Variants in TBC1D4 observed in about 807,000 individuals in gnomAD.
TBC1D4 encodes the protein TBC1 domain family member 4, also known as TBC (Tre-2, BUB2, CDC16) domain-containing protein.
In TBC1D4, 121 loss-of-function variants were observed where a neutral mutation model predicts 142.5. The ratio of observed to expected loss-of-function variants is 0.85; its 90% CI spans 0.73 to 0.99. The LOEUF (loss-of-function observed/expected upper bound fraction) is 0.99. Ranked by LOEUF, TBC1D4 falls within the 50% of genes least tolerant of loss-of-function variation. TBC1D4 has a pLI of 0.00. For synonymous variants in TBC1D4, 630 were observed against 628.2 expected (o/e 1.00, Z -0.04); for missense variants, 1,475 against 1,606.6 (o/e 0.92, Z 1.40).
At chr13:75,370,476 G>T (rs1883164714) in intron 1 of TBC1D4, among the ~76,000 whole-genome samples, 1 of 152,332 alleles carries the variant, frequency 6.6e-6, no homozygotes, top group South Asian at 2.1e-4. Context: ...AGCTCACACA[G>T]AAGCGACAGC....
At chr13:75,450,118 G>A (rs991757527) in intron 1 of TBC1D4, among the ~76,000 whole-genome samples, 1 of 152,134 alleles carries the variant, frequency 6.6e-6, no homozygotes, top group Non-Finnish European at 1.5e-5. Context: ...TGGCAGAAAA[G>A]ACTAAAACCT....
chr13:75,409,856 A>C (rs1885532612), intron 1 of TBC1D4, among the ~76,000 whole-genome samples: 2 of 152,304 alleles, frequency 1.3e-5, no homozygotes, highest in South Asian at 2.1e-4. Flanking sequence ...GGATGTTAAG[A>C]TACTAGTGTT....
At chr13:75,315,059 C>A (rs1878161025) in intron 12 of TBC1D4, among the ~76,000 whole-genome samples, 1 of 151,736 alleles carries the variant, frequency 6.6e-6, no homozygotes, top group Non-Finnish European at 1.5e-5. Context: ...GTAATTCCAG[C>A]AGTTTGGGAG....
At chr13:75,356,794 T>G (rs1882090022) in intron 3 of TBC1D4, among the ~76,000 whole-genome samples, 2 of 152,154 alleles carry the variant, frequency 1.3e-5, no homozygotes, top group South Asian at 4.1e-4. Flanking sequence ...CAGGTGCCAA[T>G]TATCCACAGT....
At chr13:75,312,458 A>AGAAAGAGGACG in intron 13 of TBC1D4, among the ~76,000 whole-genome samples, 1 of 148,502 alleles carries the variant, frequency 6.7e-6, no homozygotes, top group African/African-American at 2.6e-5. Context: ...GAAAAAGGAC[A>AGAAAGAGGACG]TACAGCTTCT....
chr13:75,336,228 C>A (rs775665908), intron 8 of TBC1D4, among the ~76,000 whole-genome samples: 16 of 151,440 alleles, frequency 1.1e-4, no homozygotes, highest in Non-Finnish European at 1.8e-4. Context: ...GAAACCCTGT[C>A]TCTACCAAAA....
chr13:75,316,677 T>A (rs1335903871), intron 12 of TBC1D4: 1 of 152,208 alleles, frequency 6.6e-6, no homozygotes. Context: ...GTCAGCAATC[T>A]GACATTCTTA....
chr13:75,343,078 T>C (rs2138085107), intron 5 of TBC1D4, among the ~76,000 whole-genome samples: 1 of 152,370 alleles, frequency 6.6e-6, no homozygotes, highest in Non-Finnish European at 1.5e-5. Flanking sequence ...TTTAAAATAA[T>C]GTATTAGTCT....
At chr13:75,399,900 G>A (rs1884996253) in intron 1 of TBC1D4, among the ~76,000 whole-genome samples, 1 of 152,110 alleles carries the variant, frequency 6.6e-6, no homozygotes, top group Non-Finnish European at 1.5e-5. Flanking sequence ...CAGACTACCA[G>A]GAGACTGACA....
At chr13:75,399,158 C>T (rs1385521136) in intron 1 of TBC1D4, among the ~76,000 whole-genome samples, 1 of 152,070 alleles carries the variant, frequency 6.6e-6, no homozygotes, top group Non-Finnish European at 1.5e-5. Flanking sequence ...GAAATAAGAT[C>T]TCCCAAAATA....
intron 1 of TBC1D4, among the ~76,000 whole-genome samples, chr13:75,472,552 A>G (rs1159169227): frequency 6.6e-6 from 1 of 152,214 alleles, no homozygotes; most frequent in Non-Finnish European, 1.5e-5. Flanking sequence ...TCTGTACAAA[A>G]TAAAATCTGT....
intron 1 of TBC1D4, among the ~76,000 whole-genome samples, chr13:75,384,168 C>T (rs1038652094): frequency 6.6e-6 from 1 of 152,102 alleles, no homozygotes; most frequent in African/African-American, 2.4e-5. Context: ...CACGCCTGTG[C>T]TGGGATTACA....
At chr13:75,411,216 G>A (rs1435009517) in intron 1 of TBC1D4, among the ~76,000 whole-genome samples, 1 of 152,116 alleles carries the variant, frequency 6.6e-6, no homozygotes, top group Non-Finnish European at 1.5e-5. Context: ...ATACTGATGA[G>A]AGTTAAATGA....
intron 1 of TBC1D4, among the ~76,000 whole-genome samples, chr13:75,390,977 C>G (rs1325376598): frequency 6.6e-6 from 1 of 151,036 alleles, no homozygotes; most frequent in African/African-American, 2.4e-5. Context: ...TTACACTATG[C>G]CTTCTTTCCT....
At position 75,362,212 on chromosome 13, in the gene TBC1D4, C is replaced by T. The variant is rs778883315; in HGVS notation, c.894G>A (p.Glu298=). Residue 298 remains glutamate (E), a synonymous_variant, in exon 2 of 21, where the codon GAG becomes GAA. Coordinates refer to ENST00000377636, the MANE Select transcript of TBC1D4 (RefSeq NM_014832.5). The surrounding 1 kb of genome is among the most constrained non-coding windows in gnomAD (Gnocchi z 4.2). ...ALTSSRVCFP[E]RILEDSGFDE... ...CAAAGCCAGAATCTTCCAAAATCCG[C>T]TCAGGGAAGCAGACCCGAGAGCTGG... The T allele has an allele frequency of 1.2e-6, 2 of 1,613,916 alleles. No homozygotes were observed. Among genetic ancestry groups the T allele is most frequent in the Non-Finnish European group, 8.5e-7 (1 of 1,179,990 alleles).
At chr13:75,304,347 A>G (rs767087717) in intron 15 of TBC1D4, among the ~76,000 whole-genome samples, 29 of 152,236 alleles carry the variant, frequency 1.9e-4, no homozygotes, top group South Asian at 8.3e-4. Context: ...AAAGCAAGGC[A>G]GTCAGGATGC....
chr13:75,472,390 G>A (rs1888450159), intron 1 of TBC1D4, among the ~76,000 whole-genome samples: 1 of 152,132 alleles, frequency 6.6e-6, no homozygotes, highest in Admixed American at 6.6e-5. Context: ...CTGCATTCCA[G>A]CCTGGGTGAC....
chr13:75,300,067 G>A (rs1221694367), intron 16 of TBC1D4, among the ~76,000 whole-genome samples: 1 of 152,032 alleles, frequency 6.6e-6, no homozygotes, highest in East Asian at 1.9e-4. Flanking sequence ...ACACTGGAGG[G>A]ACTTTTTGGG....
In TBC1D4 at chr13:75,362,268, A is replaced by C; in HGVS notation, c.838T>G (p.Leu280Val). The change falls in exon 2 of 21, where the codon TTA (leucine) becomes GTA (valine). Residue 280 changes from leucine to valine, a missense_variant. Physicochemically the swap from Leu to Val is conservative, Grantham distance 32 (BLOSUM62 1). Coordinates refer to ENST00000377636, the MANE Select transcript of TBC1D4 (RefSeq NM_014832.5). The surrounding 1 kb of genome is among the most constrained non-coding windows in gnomAD (Gnocchi z 4.2). ...EADGTDTHLGLPAGASQPALT... is the reference protein window; with the variant it reads ...EADGTDTHLGVPAGASQPALT... ...GCAGGCTGGCTGGCCCCGGCAGGTA[A>C]GCCAAGGTGGGTGTCGGTGCCGTCA... is the stretch of plus-strand genomic sequence containing the variant. 6.2e-7 allele frequency: 1 copy of C among 1,613,874 alleles called. No homozygotes were observed. Among genetic ancestry groups the C allele is most frequent in the Admixed American group, 1.7e-5 (1 of 60,020 alleles).
Sources: allele counts gnomAD v4.1 joint callset (sites outside exome capture counted in the v4.1 genomes callset), GRCh38; gene constraint gnomAD v4.1.1; non-coding constraint Gnocchi (gnomAD v3.1); transcripts MANE v1.5; gene names NCBI Gene and HGNC (gene_info 2026-07-23, HGNC 2026-07-21).